The following SPAG16 variants were observed in gnomAD, a reference collection of about 807,000 sequenced individuals.
SPAG16 encodes sperm associated antigen 16.
A neutral mutation model predicts 80.4 loss-of-function variants in SPAG16; 86 were observed. That is an observed-to-expected ratio of 1.07 (90% CI 0.90 to 1.28). The LOEUF (loss-of-function observed/expected upper bound fraction) is 1.28, where lower values mean the gene tolerates loss of function less well. Ranked by LOEUF, SPAG16 falls within the 50% of genes most tolerant of loss-of-function variation. SPAG16 has a pLI of 0.00. For synonymous variants in SPAG16, 294 were observed against 265.9 expected (o/e 1.11, Z -1.03); for missense variants, 870 against 765.3 (o/e 1.14, Z -1.61).
chr2:214,365,408 G>T (rs1699415668), intron 15 of SPAG16, among the ~76,000 whole-genome samples: 1 of 152,114 alleles, frequency 6.6e-6, no homozygotes, highest in South Asian at 2.1e-4. Flanking sequence ...TTGACTGATT[G>T]GAAGATGCTA....
intron 10 of SPAG16, among the ~76,000 whole-genome samples, chr2:213,537,929 A>G (rs567617900): frequency 4.9e-4 from 74 of 152,282 alleles, no homozygotes; most frequent in Non-Finnish European, 9.0e-4. Flanking sequence ...GCTTCTTAAT[A>G]CAGAAAGTAT....
At chr2:214,351,838 A>C (rs1415161671) in intron 15 of SPAG16, among the ~76,000 whole-genome samples, 7 of 151,734 alleles carry the variant, frequency 4.6e-5, no homozygotes, top group African/African-American at 7.3e-5. Context: ...TTGACACACA[A>C]AAAAAATATA....
Position 213,586,800 on chromosome 2 carries a change from A to C in SPAG16, c.1070+96710A>C, listed in dbSNP as rs2060490588. Among the ~76,000 whole-genome samples the C allele has an allele frequency of 2.6e-5, 4 of 152,220 alleles. No individual in the cohort carries two copies. The South Asian group carries it at 8.3e-4, about 31-fold the overall frequency. On this transcript the variant is annotated intron_variant, in intron 10 of 15. Coordinates refer to ENST00000331683, the MANE Select transcript of SPAG16 (RefSeq NM_024532.5). ...AGACACGTAACATTAGCATTCTAGAAGGGAGAAACATTGAAGAAGAACTGG... is the reference window on the plus strand; with the variant it reads ...AGACACGTAACATTAGCATTCTAGACGGGAGAAACATTGAAGAAGAACTGG...
intron 6 of SPAG16, among the ~76,000 whole-genome samples, chr2:213,350,076 A>AT (rs1167912007): frequency 1.3e-5 from 2 of 152,216 alleles, no homozygotes; most frequent in African/African-American, 4.8e-5. Context: ...TTTATACTTA[A>AT]TTTTTAAAAT....
chr2:213,297,507 T>G, intron 3 of SPAG16, 150 bp downstream of exon 3: 1 of 506,982 alleles, frequency 2.0e-6, no homozygotes, highest in East Asian at 3.3e-5. Flanking sequence ...AGCCTTCACT[T>G]TAAGGTAAGC....
chr2:213,603,352 T>G (rs1273760858), intron 10 of SPAG16, among the ~76,000 whole-genome samples: 1 of 152,262 alleles, frequency 6.6e-6, no homozygotes, highest in Non-Finnish European at 1.5e-5. Context: ...AATCTTCTGA[T>G]GCTTATACGC....
chr2:213,553,205 A>G (rs567819397), intron 10 of SPAG16, among the ~76,000 whole-genome samples: 6 of 152,188 alleles, frequency 3.9e-5, no homozygotes, highest in African/African-American at 7.2e-5. Flanking sequence ...TCATCTGTCC[A>G]TACACAAAAA....
At chr2:214,399,390 T>C (rs1158811222) in intron 15 of SPAG16, among the ~76,000 whole-genome samples, 1 of 152,056 alleles carries the variant, frequency 6.6e-6, no homozygotes, top group Non-Finnish European at 1.5e-5. Context: ...TACCTAACAA[T>C]GTTGCCCTGA....
At chr2:214,048,183 A>T (rs2049444562) in intron 13 of SPAG16, among the ~76,000 whole-genome samples, 2 of 152,172 alleles carry the variant, frequency 1.3e-5, no homozygotes, top group South Asian at 4.1e-4. Flanking sequence ...TAGCAATCCC[A>T]TGCCTAGGTA....
intron 15 of SPAG16, among the ~76,000 whole-genome samples, chr2:214,280,427 A>G (rs1344217246): frequency 6.6e-6 from 1 of 152,218 alleles, no homozygotes; most frequent in African/African-American, 2.4e-5. Flanking sequence ...AACTTTGAAA[A>G]AGAACATATT....
At chr2:213,705,137 A>G (rs542468531) in intron 10 of SPAG16, among the ~76,000 whole-genome samples, 10 of 152,182 alleles carry the variant, frequency 6.6e-5, no homozygotes, top group Non-Finnish European at 1.3e-4. Context: ...AGTCGCAGCT[A>G]CTAGGGAGGC....
chr2:213,690,588 A>G (rs1439965426), intron 10 of SPAG16, among the ~76,000 whole-genome samples: 1 of 152,178 alleles, frequency 6.6e-6, no homozygotes, highest in Non-Finnish European at 1.5e-5. Context: ...CTGATATTTG[A>G]GTTAGTAGAC....
chr2:214,276,301 G>A (rs575646076), intron 15 of SPAG16, among the ~76,000 whole-genome samples: 1 of 152,132 alleles, frequency 6.6e-6, no homozygotes, highest in African/African-American at 2.4e-5. Flanking sequence ...TACATTTAGG[G>A]TTAATATTGT....
intron 3 of SPAG16, among the ~76,000 whole-genome samples, chr2:213,299,102 TCTC>T (rs137994511): frequency 1.6e-3 from 243 of 152,292 alleles, no homozygotes; most frequent in African/African-American, 5.7e-3. Context: ...TATATTTTCT[TCTC>T]TGTTAAAGGA....
intron 10 of SPAG16, among the ~76,000 whole-genome samples, chr2:213,536,315 C>CACTGAG (rs1208810993): frequency 6.6e-6 from 1 of 152,052 alleles, no homozygotes; most frequent in Non-Finnish European, 1.5e-5. Context: ...GCTTAAAAAT[C>CACTGAG]ACTGAGGGTA....
At chr2:213,621,773 G>C (rs1347520841) in intron 10 of SPAG16, among the ~76,000 whole-genome samples, 1 of 152,128 alleles carries the variant, frequency 6.6e-6, no homozygotes, top group Non-Finnish European at 1.5e-5. Flanking sequence ...TTATTTGAAA[G>C]GTTTGATATA....
rs141269817 is a variant in SPAG16, at chr2:213,905,090, A to G, written c.1215-24870A>G. On this transcript the variant is annotated intron_variant, in intron 11 of 15. Transcript: ENST00000331683. Reference sequence around the variant, plus strand: ...TTTAATGCTTGGAATTTGGTCCACTAACATGATTTTGTGAAATATCCTATT... The same window carrying G: ...TTTAATGCTTGGAATTTGGTCCACTGACATGATTTTGTGAAATATCCTATT... 9.2e-4 allele frequency among the ~76,000 whole-genome samples: 140 copies of G among 152,332 alleles called. 1 individual carries two copies. The East Asian group carries it at 0.024, about 26-fold the overall frequency.
chr2:213,919,811 T>C (rs1484176226), intron 11 of SPAG16, among the ~76,000 whole-genome samples: 1 of 152,136 alleles, frequency 6.6e-6, no homozygotes, highest in Non-Finnish European at 1.5e-5. Context: ...ATCAGGTCCT[T>C]TTGATCCAGT....
chr2:213,860,468 T>TATA (rs1559529560), intron 10 of SPAG16, among the ~76,000 whole-genome samples: 1 of 126,402 alleles, frequency 7.9e-6, no homozygotes, highest in Non-Finnish European at 1.7e-5. Context: ...TACAGATATA[T>TATA]CTATCTATAT....
Sources: allele counts gnomAD v4.1 joint callset (sites outside exome capture counted in the v4.1 genomes callset), GRCh38; gene constraint gnomAD v4.1.1; transcripts MANE v1.5; gene names NCBI Gene and HGNC (gene_info 2026-07-23, HGNC 2026-07-21).